Variants in SPRTN observed in about 807,000 individuals in gnomAD.
SPRTN encodes SprT-like N-terminal domain.
Under a neutral mutation model 31.9 loss-of-function variants are expected in SPRTN, and 11 were observed. The ratio of observed to expected loss-of-function variants is 0.34; its 90% confidence interval spans 0.22 to 0.57. The LOEUF (loss-of-function observed/expected upper bound fraction) is 0.57, where lower values mean the gene tolerates loss of function less well. Ranked by LOEUF, SPRTN falls within the 20% of genes least tolerant of loss-of-function variation. SPRTN has a pLI of 0.86. For synonymous variants in SPRTN, 185 were observed against 212.1 expected, an observed-to-expected ratio of 0.87 and a Z score of 1.11; for missense variants, 482 against 590.1, an observed-to-expected ratio of 0.82 and a Z score of 1.90.
At chr1:231,340,058 A>AC in intron 2 of SPRTN, 190 bp downstream of exon 2, 2 of 502,052 alleles carry the variant, frequency 4.0e-6, no homozygotes, top group Non-Finnish European at 6.9e-6. Flanking sequence ...AAAAAAAAAA[A>AC]AAACAAAAAA....
intron 2 of SPRTN, among the ~76,000 whole-genome samples, chr1:231,346,411 T>C (rs545030829): frequency 4.0e-5 from 6 of 151,440 alleles, no homozygotes; most frequent in African/African-American, 1.2e-4. Context: ...TTCACCATGT[T>C]GAGCAGGATG....
rs908992633 is a variant in SPRTN at position 231,352,370 on chromosome 1, A to G, written c.719-240A>G. On this transcript the variant is annotated intron_variant, in intron 4 of 4. Coordinates refer to ENST00000295050, the MANE Select transcript of SPRTN (RefSeq NM_032018.7). ...TGTTGCCTTGTTGTTGGTCTTTGGCATGATAAGATTCTTTATTTAAATATG... is the reference window on the plus strand; with the variant it reads ...TGTTGCCTTGTTGTTGGTCTTTGGCGTGATAAGATTCTTTATTTAAATATG... 4.2e-6 allele frequency: 5 copies of G among 1,186,276 alleles called. No individual in the cohort carries two copies. In the African/African-American group the frequency reaches 6.3e-5, roughly 15 times the overall value. 73.5% of individuals were successfully genotyped at this position (1,186,276 alleles called of 1,614,324 possible).
At chr1:231,340,112 C>T in intron 2 of SPRTN, 1 of 315,214 alleles carries the variant, frequency 3.2e-6, no homozygotes, top group Admixed American at 4.8e-5. Flanking sequence ...CCTGTAATCC[C>T]GACACTTTGG....
Position 231,351,404 on chromosome 1 carries a change from A to G in SPRTN, c.551A>G (p.Lys184Arg). 5 of 1,614,116 alleles carry G rather than the reference A, an allele frequency of 3.1e-6. No individual in the cohort carries two copies. The South Asian group carries it at 4.4e-5, about 14-fold the overall frequency. Residue 184 changes from lysine to arginine, a missense_variant, in exon 4 of 5, where the codon AAA (lysine) becomes AGA (arginine). Lys to Arg is a conservative substitution (Grantham distance 26). Transcript: ENST00000295050. ...AGGCCACCGTATTACGGCTATGTCA[A>G]ACGAGCTACTAACAGGGAACCCTCT... is the stretch of plus-strand genomic sequence containing the variant. ...QHRPPYYGYVKRATNREPSAH... is the reference protein window; with the variant it reads ...QHRPPYYGYVRRATNREPSAH...
chr1:231,343,971 CAG>C (rs1246490243), intron 2 of SPRTN, among the ~76,000 whole-genome samples: 6 of 152,068 alleles, frequency 3.9e-5, no homozygotes, highest in Non-Finnish European at 8.8e-5. Flanking sequence ...TCATGGAAAA[CAG>C]AGGTATTTTG....
chr1:231,347,649 C>T lies in SPRTN; in HGVS notation c.322-148C>T. 3 of 929,300 alleles carry T rather than the reference C, an allele frequency of 3.2e-6. No homozygotes were observed. The South Asian group carries it at 6.1e-5, about 19-fold the overall frequency. 57.6% of individuals were successfully genotyped at this position (929,300 alleles called of 1,614,324 possible). On this transcript the variant is annotated intron_variant, in intron 2 of 4. Coordinates refer to ENST00000295050, the MANE Select transcript of SPRTN (RefSeq NM_032018.7). ...AAAGTGTTGGGATTACAGGTGTGAG[C>T]CACTGCACCCGGCCTAGAATGAGTT...
rs1469701567 is a variant in SPRTN at position 231,354,858 on chromosome 1, TA to T, written c.*1500del. The T allele has an allele frequency of 4.1e-6, 1 of 241,534 alleles. No homozygotes were observed. The highest frequency in any genetic ancestry group is 6.7e-6 in the Non-Finnish European group (1 of 149,858). The allele number at this position is 241,534 out of a possible 1,614,324, so 15.0% of individuals were successfully genotyped here. Reference sequence around the variant, plus strand: ...GGGGTATATTTCTGTTTAGCTTTAGTAAATTCTGCCAGTTTACACTCCTACC... The same window carrying T: ...GGGGTATATTTCTGTTTAGCTTTAGTAATTCTGCCAGTTTACACTCCTACC... On this transcript the variant is annotated 3_prime_UTR_variant, in exon 5 of 5. Coordinates refer to ENST00000295050, the MANE Select transcript of SPRTN (RefSeq NM_032018.7).
Position 231,354,530 on chromosome 1 carries a change from A to G in SPRTN, c.*1169A>G, listed in dbSNP as rs1392455148. On this transcript the variant is annotated 3_prime_UTR_variant, in exon 5 of 5. Transcript: ENST00000295050. The stretch of plus-strand genomic sequence containing the variant: ...CTTCCATTGCCACAGAAGGCTTCCT[A>G]TAGGTGTCTGTTCCCAGTTGATACC... 3.3e-5 allele frequency: 11 copies of G among 334,366 alleles called. No individual in the cohort carries two copies. Among genetic ancestry groups the G allele is most frequent in the Non-Finnish European group, 4.3e-5 (10 of 234,826 alleles). 20.7% of individuals were successfully genotyped at this position (334,366 alleles called of 1,614,324 possible).
chr1:231,354,782 TTCTTA>T lies in SPRTN; in HGVS notation c.*1426_*1430del, dbSNP rs530018345. 0.011 allele frequency: 1,637 copies of T among 153,844 alleles called. 18 individuals carry two copies. The highest frequency in any genetic ancestry group is 0.018 in the Non-Finnish European group (1,238 of 69,452). The allele number at this position is 153,844 out of a possible 1,614,324, so 9.5% of individuals were successfully genotyped here. On this transcript the variant is annotated 3_prime_UTR_variant, in exon 5 of 5. Transcript: ENST00000295050. ...GTTAAGCATAATGCTGCTAAGAACA[TTCTTA>T]TCTTTTCTGTTGGGTATATATACAG...
intron 1 of SPRTN, among the ~76,000 whole-genome samples, chr1:231,338,935 A>G (rs1004749418): frequency 1.1e-4 from 17 of 152,226 alleles, no homozygotes; most frequent in African/African-American, 2.4e-5. Context: ...CCCAGAAGGG[A>G]GAAGCAACCA....
intron 1 of SPRTN, chr1:231,339,475 C>T (rs781574842): frequency 1.6e-6 from 1 of 618,550 alleles, no homozygotes; most frequent in Non-Finnish European, 3.0e-6. Flanking sequence ...CGTTGTACAC[C>T]AGGTACGGTC....
chr1:231,341,181 A>G (rs1037263258), intron 2 of SPRTN, among the ~76,000 whole-genome samples: 3 of 151,884 alleles, frequency 2.0e-5, no homozygotes, highest in Non-Finnish European at 4.4e-5. Context: ...GGCATGCTAG[A>G]TTAAAAGAGA....
At chr1:231,351,756 C>CCCGGAGTAACAATGCCCGGAATATACG in intron 4 of SPRTN, 185 bp downstream of exon 4, 1 of 1,410,276 alleles carries the variant, frequency 7.1e-7, no homozygotes, top group South Asian at 1.6e-5. Context: ...ACAGACTTTG[C>CCCGGAGTAACAATGCCCGGAATATACG]TCTGTACAGA....
At chr1:231,350,196 A>G (rs1687183807) in intron 3 of SPRTN, among the ~76,000 whole-genome samples, 1 of 152,204 alleles carries the variant, frequency 6.6e-6, no homozygotes, top group African/African-American at 2.4e-5. Flanking sequence ...TTTTTTGCTT[A>G]GGATGGAGCG....
chr1:231,340,017 A>C, intron 2 of SPRTN, 149 bp downstream of exon 2: 2 of 612,208 alleles, frequency 3.3e-6, no homozygotes, highest in Non-Finnish European at 2.8e-6. Flanking sequence ...ACAATAATGA[A>C]CACCTTATGT....
At position 231,354,322 on chromosome 1, in the gene SPRTN, T is replaced by A. The variant is rs1687330569; in HGVS notation, c.*961T>A. On this transcript the variant is annotated 3_prime_UTR_variant, in exon 5 of 5. Coordinates refer to ENST00000295050, the MANE Select transcript of SPRTN (RefSeq NM_032018.7). Reference sequence around the variant, plus strand: ...AAGAGACTTTTATCAGTTTGCTTTTTGTCTTGTGGCTGTACATGCTGTTGG... The same window carrying A: ...AAGAGACTTTTATCAGTTTGCTTTTAGTCTTGTGGCTGTACATGCTGTTGG... 1 of 984,900 alleles carries A rather than the reference T, an allele frequency of 1.0e-6. No individual in the cohort carries two copies. The highest frequency in any genetic ancestry group is 1.2e-6 in the Non-Finnish European group (1 of 829,408). The allele number at this position is 984,900 out of a possible 1,614,324, so 61.0% of individuals were successfully genotyped here.
intron 2 of SPRTN, 27 bp downstream of exon 2, chr1:231,339,895 A>T: frequency 6.2e-7 from 1 of 1,603,674 alleles, no homozygotes; most frequent in Non-Finnish European, 8.5e-7. Flanking sequence ...CTTGCTTCCT[A>T]GCGCAGTAAT....
At position 231,345,119 on chromosome 1, in the gene SPRTN, TTTTC is replaced by T. The variant is rs199632267; in HGVS notation, c.322-2662_322-2659del. 7.6e-3 allele frequency among the ~76,000 whole-genome samples: 1,151 copies of T among 152,014 alleles called. 8 individuals carry two copies. The highest frequency in any genetic ancestry group is 0.011 in the South Asian group (52 of 4,812). ...GTCTTTTTCTTTTTCTTTTCTTTTCTTTTCTTTCTTTCTTTCTTTGTTTCTTTCT... is the reference window on the plus strand; with the variant it reads ...GTCTTTTTCTTTTTCTTTTCTTTTCTTTTCTTTCTTTCTTTGTTTCTTTCT... On this transcript the variant is annotated intron_variant, in intron 2 of 4. Coordinates refer to ENST00000295050, the MANE Select transcript of SPRTN (RefSeq NM_032018.7).
intron 2 of SPRTN, among the ~76,000 whole-genome samples, chr1:231,346,282 A>G (rs574189629): frequency 7.2e-6 from 1 of 138,820 alleles, no homozygotes; most frequent in Admixed American, 7.9e-5. Flanking sequence ...TCTGCCTCCC[A>G]GGTTCAAGCA....
Sources: gnomAD v4.1 joint callset for allele counts (sites outside exome capture counted in the v4.1 genomes callset) on GRCh38, gnomAD v4.1.1 for gene constraint, MANE v1.5 for transcripts, NCBI Gene and HGNC (gene_info 2026-07-23, HGNC 2026-07-21) for gene names.